KIAA1671: variants seen among roughly 807,000 people sequenced by gnomAD.
KIAA1671 encodes uncharacterized protein KIAA1671.
KIAA1671 carries 52 observed loss-of-function variants against 131.2 expected under a neutral mutation model. The observed-to-expected ratio is 0.40, with a 90% CI of 0.32 to 0.50. The LOEUF (loss-of-function observed/expected upper bound fraction) is 0.50, where lower values mean the gene tolerates loss of function less well. KIAA1671 is among the 20% of genes least tolerant of loss of function. The probability of loss-of-function intolerance (pLI) is 0.73; values close to 1 mark genes in which losing one functional copy is unlikely to be tolerated. For synonymous variants in KIAA1671, 1,003 were observed against 961.6 expected, an observed-to-expected ratio of 1.04 and a Z score of -0.80; for missense variants, 2,360 against 2,364.2, an observed-to-expected ratio of 1.00 and a Z score of 0.04.
chr22:25,042,166 T>C (rs1024931566), intron 5 of KIAA1671, among the ~76,000 whole-genome samples: 31 of 152,236 alleles, frequency 2.0e-4, no homozygotes, highest in African/African-American at 7.2e-4. Context: ...GGACTTATTT[T>C]TAAAAATGCT....
intron 6 of KIAA1671, among the ~76,000 whole-genome samples, chr22:25,152,790 A>G (rs1203503537): frequency 6.6e-6 from 1 of 151,966 alleles, no homozygotes; most frequent in East Asian, 1.9e-4. Context: ...TTTAGTGGAG[A>G]TGGGGGGTTT....
At chr22:25,122,731 T>C (rs1932000702) in intron 6 of KIAA1671, among the ~76,000 whole-genome samples, 1 of 152,122 alleles carries the variant, frequency 6.6e-6, no homozygotes, top group Admixed American at 6.5e-5. Context: ...TCCCAGCACT[T>C]TGGGAGGCCG....
At chr22:24,960,616 G>A (rs922123908) in intron 1 of KIAA1671, among the ~76,000 whole-genome samples, 8 of 145,500 alleles carry the variant, frequency 5.5e-5, no homozygotes, top group African/African-American at 2.0e-4. Flanking sequence ...TTATTTAACC[G>A]ATCCCCTGTT....
chr22:24,976,154 G>GA (rs1450364315), intron 1 of KIAA1671, among the ~76,000 whole-genome samples: 7 of 152,226 alleles, frequency 4.6e-5, no homozygotes, highest in African/African-American at 1.7e-4. Flanking sequence ...TGGGAACACT[G>GA]AGCCGGGCAC....
At chr22:25,189,353 T>G (rs189631453) in intron 11 of KIAA1671, among the ~76,000 whole-genome samples, 16 of 152,038 alleles carry the variant, frequency 1.1e-4, no homozygotes, top group African/African-American at 3.9e-4. Flanking sequence ...TTTTTTATTT[T>G]TAATAGAGAC....
chr22:24,992,805 ACTCCGTCT>A (rs1923911370), intron 1 of KIAA1671, among the ~76,000 whole-genome samples: 1 of 88,104 alleles, frequency 1.1e-5, no homozygotes, highest in South Asian at 4.4e-4. Flanking sequence ...ACAGAGCGAG[ACTCCGTCT>A]CAAAAAAAAA....
chr22:25,170,966 T>C lies in KIAA1671; in HGVS notation c.4649+28T>C, dbSNP rs971187925. ...AGGACGCGTGCGACGGGATTCTGGC[T>C]GCAAAGGGGGCAGCTGGGCTGGAGT... On this transcript the variant is annotated intron_variant, in intron 7 of 12. Transcript: ENST00000358431. The C allele has an allele frequency of 3.2e-6, 5 of 1,539,432 alleles. No homozygotes were observed. The Admixed American group carries it at 5.9e-5, about 18-fold the overall frequency.
rs1381726548 is a variant in KIAA1671 at position 25,028,998 on chromosome 22, G to A, written c.999G>A (p.Ala333=). Residue 333 remains alanine, a synonymous_variant, in exon 3 of 13, where the codon GCG becomes GCA. Coordinates refer to ENST00000358431, the MANE Select transcript of KIAA1671 (RefSeq NM_001145206.2). ...SKLDRDCLVK[A]EAPLHDPDLD... Reference sequence around the variant, plus strand: ...TGGACAGGGACTGTTTGGTCAAGGCGGAGGCTCCTCTTCATGATCCTGATT... The same window carrying A: ...TGGACAGGGACTGTTTGGTCAAGGCAGAGGCTCCTCTTCATGATCCTGATT... The A allele has an allele frequency of 4.0e-6, 6 of 1,514,066 alleles. No individual in the cohort carries two copies. Among genetic ancestry groups the A allele is most frequent in the African/African-American group, 2.8e-5 (2 of 71,532 alleles). The allele number at this position is 1,514,066 out of a possible 1,614,324, so 93.8% of individuals were successfully genotyped here.
intron 4 of KIAA1671, among the ~76,000 whole-genome samples, chr22:25,035,692 A>T (rs1433693684): frequency 1.3e-5 from 2 of 152,234 alleles, no homozygotes; most frequent in African/African-American, 4.8e-5. Flanking sequence ...CAGCAAGGGC[A>T]AAAAGGCTGT....
intron 11 of KIAA1671, among the ~76,000 whole-genome samples, chr22:25,188,556 A>G (rs926856637): frequency 2.0e-5 from 3 of 151,908 alleles, no homozygotes; most frequent in Admixed American, 2.0e-4. Flanking sequence ...TACTTAGTCA[A>G]AAATCTGCAT....
intron 6 of KIAA1671, among the ~76,000 whole-genome samples, chr22:25,065,815 C>G (rs1928445523): frequency 1.3e-5 from 2 of 151,754 alleles, no homozygotes; most frequent in African/African-American, 4.8e-5. Flanking sequence ...AATTTTTGTA[C>G]TTTTTAGTAG....
At chr22:24,994,426 AAC>A (rs1924001968) in intron 1 of KIAA1671, among the ~76,000 whole-genome samples, 1 of 152,182 alleles carries the variant, frequency 6.6e-6, no homozygotes, top group Non-Finnish European at 1.5e-5. Flanking sequence ...GAGCCTATAG[AAC>A]ATGCCATTAA....
At chr22:25,080,447 C>T (rs748996580) in intron 6 of KIAA1671, among the ~76,000 whole-genome samples, 1 of 152,214 alleles carries the variant, frequency 6.6e-6, no homozygotes, top group Non-Finnish European at 1.5e-5. Context: ...GAGCAGAAGG[C>T]CCTGCTCACA....
intron 1 of KIAA1671, among the ~76,000 whole-genome samples, chr22:24,979,333 A>T (rs1419652169): frequency 5.3e-5 from 7 of 130,912 alleles, no homozygotes; most frequent in African/African-American, 1.8e-4. Flanking sequence ...TTAATAATTT[A>T]TTTTATTTAT....
intron 6 of KIAA1671, among the ~76,000 whole-genome samples, chr22:25,065,409 C>T (rs1213764031): frequency 3.3e-5 from 5 of 152,092 alleles, no homozygotes; most frequent in Admixed American, 2.6e-4. Flanking sequence ...TCAGGTGGCA[C>T]ATGCCATTCC....
chr22:25,072,058 G>T (rs1928858928), intron 6 of KIAA1671, among the ~76,000 whole-genome samples: 1 of 152,202 alleles, frequency 6.6e-6, no homozygotes, highest in Non-Finnish European at 1.5e-5. Flanking sequence ...GGCAGTTGAT[G>T]CTAGGGTAGG....
At chr22:25,017,861 ATGT>A (rs1925415423) in intron 1 of KIAA1671, among the ~76,000 whole-genome samples, 1 of 152,192 alleles carries the variant, frequency 6.6e-6, no homozygotes, top group African/African-American at 2.4e-5. Flanking sequence ...CAAGTGTTAC[ATGT>A]GCCCCATCAG....
intron 1 of KIAA1671, among the ~76,000 whole-genome samples, chr22:24,984,150 G>C (rs1164808175): frequency 6.6e-6 from 1 of 152,122 alleles, no homozygotes; most frequent in Non-Finnish European, 1.5e-5. Context: ...TTCCCTTTTG[G>C]AAGAAAGTCA....
intron 6 of KIAA1671, among the ~76,000 whole-genome samples, chr22:25,130,876 G>C (rs1197234487): frequency 1.3e-5 from 2 of 152,188 alleles, no homozygotes; most frequent in Non-Finnish European, 2.9e-5. Context: ...GAAGACAGAG[G>C]TAAGATTCCA....
Sources: allele counts gnomAD v4.1 joint callset (sites outside exome capture counted in the v4.1 genomes callset), GRCh38; gene constraint gnomAD v4.1.1; transcripts MANE v1.5; gene names NCBI Gene and HGNC (gene_info 2026-07-23, HGNC 2026-07-21).